USP34: variants seen among roughly 807,000 people sequenced by gnomAD.
The protein encoded by USP34 is ubiquitin specific peptidase 34, also known as ubiquitin carboxyl-terminal hydrolase 34.
Under a neutral mutation model 460.3 loss-of-function variants are expected in USP34, and 70 were observed. The ratio of observed to expected loss-of-function variants is 0.15; its 90% CI spans 0.13 to 0.19. The LOEUF is 0.19. USP34 is among the 10% of genes least tolerant of loss of function. The pLI is 1.00. For synonymous variants in USP34, 1,647 were observed against 1,405.3 expected, an observed-to-expected ratio of 1.17 and a Z score of -3.85; for missense variants, 3,985 against 4,236.2, an observed-to-expected ratio of 0.94 and a Z score of 1.65.
intron 20 of USP34, among the ~76,000 whole-genome samples, chr2:61,326,674 A>G (rs1328659733): frequency 6.6e-6 from 1 of 151,896 alleles, no homozygotes; most frequent in Non-Finnish European, 1.5e-5. Flanking sequence ...TTTACAGATC[A>G]AAAGGCAGAC....
At chr2:61,254,209 T>C (rs1401457010) in intron 48 of USP34, among the ~76,000 whole-genome samples, 2 of 152,264 alleles carry the variant, frequency 1.3e-5, no homozygotes, top group African/African-American at 4.8e-5. Context: ...AATTGATTAT[T>C]TTCTTCTTGA....
Position 61,281,124 on chromosome 2 carries a change from A to T in USP34, c.5117T>A (p.Phe1706Tyr). Residue 1706 changes from phenylalanine (F) to tyrosine (Y), a missense_variant, in exon 38 of 80, where the codon TTT becomes TAT. Phe to Tyr is a conservative substitution (Grantham distance 22). Transcript: ENST00000398571. The part of the protein sequence containing the change: ...LLLAASTLLK[F>Y]LPDAQALKPI... ...TTTGAGTGCTTGAGCATCAGGAAGA[A>T]ATTTCAATAATGTTGAGGCAGCCAA... 6.2e-7 allele frequency: 1 copy of T among 1,613,866 alleles called. No individual in the cohort carries two copies. Among genetic ancestry groups the T allele is most frequent in the Non-Finnish European group, 8.5e-7 (1 of 1,179,882 alleles).
chr2:61,413,911 T>C (rs528987188), intron 2 of USP34, among the ~76,000 whole-genome samples: 10 of 146,422 alleles, frequency 6.8e-5, no homozygotes, highest in East Asian at 2.0e-4. Flanking sequence ...ATCCTGGCGA[T>C]ACAGTGAGAC....
chr2:61,188,448 G>A lies in USP34; in HGVS notation c.10295C>T (p.Ser3432Leu). ...GTTGGACTGTTCTTCTGCATGCTGTGACCTGATATTTGACATGTCTTCTGA... is the reference window on the plus strand; with the variant it reads ...GTTGGACTGTTCTTCTGCATGCTGTAACCTGATATTTGACATGTCTTCTGA... ...SFSEDMSNIRSQHAEEQSNNG... is the reference protein window; with the variant it reads ...SFSEDMSNIRLQHAEEQSNNG... Residue 3432 changes from serine to leucine, a missense_variant, in exon 80 of 80, where the codon TCA becomes TTA. Physicochemically the swap from Ser to Leu is moderately radical, Grantham distance 145. Around this residue, in one of 14 missense-constraint regions of USP34, gnomAD observed 506 missense variants for 439.0 expected, o/e 1.15. Transcript: ENST00000398571. The A allele has an allele frequency of 1.2e-6, 2 of 1,614,172 alleles. No individual in the cohort carries two copies. The highest frequency in any genetic ancestry group is 1.7e-6 in the Non-Finnish European group (2 of 1,180,036).
intron 18 of USP34, among the ~76,000 whole-genome samples, chr2:61,337,325 T>C (rs535315155): frequency 3.3e-5 from 5 of 152,364 alleles, no homozygotes; most frequent in Admixed American, 6.5e-5. Context: ...AGTTGTTCCA[T>C]GTAGTTGTTC....
Position 61,339,393 on chromosome 2 carries a change from A to T in USP34, c.2702T>A (p.Met901Lys). The change falls in exon 18 of 80, where the codon ATG becomes AAG. Residue 901 changes from methionine (M) to lysine (K), a missense_variant. Met to Lys is a moderately conservative substitution (Grantham distance 95). Transcript: ENST00000398571. ...TTCAAGGCAACCTTCAATGAATCTC[A>T]TTCGAATTTGTCTATCTGTAAACCA... ...VCWFTDRQIR[M>K]RFIEGCLENL... The T allele has an allele frequency of 6.2e-7, 1 of 1,609,330 alleles. No homozygotes were observed. Among genetic ancestry groups the T allele is most frequent in the Non-Finnish European group, 8.5e-7 (1 of 1,178,054 alleles).
intron 1 of USP34, among the ~76,000 whole-genome samples, chr2:61,448,466 A>G (rs1358836851): frequency 6.6e-6 from 1 of 152,210 alleles, no homozygotes; most frequent in Non-Finnish European, 1.5e-5. Context: ...GGACGGGGAA[A>G]AAAAATGCAA....
chr2:61,282,404 A>G (rs1208307366), intron 37 of USP34, among the ~76,000 whole-genome samples: 3 of 152,218 alleles, frequency 2.0e-5, no homozygotes, highest in Admixed American at 6.5e-5. Flanking sequence ...TACAGCTAAT[A>G]AAAATTATAT....
chr2:61,329,758 C>T (rs1691205470), intron 20 of USP34, among the ~76,000 whole-genome samples: 1 of 152,052 alleles, frequency 6.6e-6, no homozygotes, highest in African/African-American at 2.4e-5. Flanking sequence ...AACCTATGTG[C>T]CAGGTACAAT....
At chr2:61,459,878 G>C (rs1022615281) in intron 1 of USP34, among the ~76,000 whole-genome samples, 2 of 151,894 alleles carry the variant, frequency 1.3e-5, no homozygotes, top group Non-Finnish European at 2.9e-5. Flanking sequence ...TGATTAACAC[G>C]GTAAAACCCC....
chr2:61,227,762 C>T (rs747246977), intron 61 of USP34, among the ~76,000 whole-genome samples: 1 of 151,736 alleles, frequency 6.6e-6, no homozygotes, highest in African/African-American at 2.4e-5. Flanking sequence ...AACCTCAACA[C>T]TGACTACTTA....
intron 2 of USP34, among the ~76,000 whole-genome samples, chr2:61,412,845 C>T (rs1282547712): frequency 2.7e-5 from 4 of 146,228 alleles, no homozygotes; most frequent in East Asian, 4.0e-4. Context: ...GCCATCATAA[C>T]GCCACTGCAC....
chr2:61,298,537 C>CAAAAAAAAAAAAAAAAAAAAAAA (rs57087400), intron 29 of USP34, among the ~76,000 whole-genome samples: 4 of 28,288 alleles, frequency 1.4e-4, no homozygotes, highest in African/African-American at 1.7e-4. Context: ...GACTCTGTCT[C>CAAAAAAAAAAAAAAAAAAAAAAA]AAAAAAAAAA....
At chr2:61,387,554 ATATT>A (rs1284750361) in intron 5 of USP34, among the ~76,000 whole-genome samples, 2 of 147,076 alleles carry the variant, frequency 1.4e-5, no homozygotes, top group African/African-American at 2.5e-5. Context: ...TAAAATATAT[ATATT>A]TATATATACA....
chr2:61,237,527 A>G (rs1382468484), intron 53 of USP34, among the ~76,000 whole-genome samples: 2 of 96,900 alleles, frequency 2.1e-5, no homozygotes, highest in Non-Finnish European at 4.4e-5. Context: ...TACTGTATCT[A>G]TGTATGTGTA....
At chr2:61,276,868 T>A (rs971575258) in intron 41 of USP34, among the ~76,000 whole-genome samples, 4 of 152,218 alleles carry the variant, frequency 2.6e-5, no homozygotes, top group African/African-American at 9.6e-5. Context: ...AATCCTTTAG[T>A]CTATGCCTAT....
Position 61,294,953 on chromosome 2 carries a change from C to T in USP34, c.4457G>A (p.Cys1486Tyr), listed in dbSNP as rs2103623477. 11 of 1,610,574 alleles carry T rather than the reference C, an allele frequency of 6.8e-6. No individual in the cohort carries two copies. In the Middle Eastern group the frequency reaches 1.3e-3, roughly 194 times the overall value. ...QVENSKNSWSCKFVAAGGLQQ... is the reference protein window; with the variant it reads ...QVENSKNSWSYKFVAAGGLQQ... ...GAAAAACACATATGATCAAACCTTG[C>T]AACTCCAGGAATTTTTACTATTTTC... The change falls in exon 32 of 80, where the codon TGC becomes TAC. Residue 1486 changes from cysteine (C) to tyrosine (Y), a missense_variant. By Grantham distance (194) the Cys-to-Tyr change is radical. Transcript: ENST00000398571.
chr2:61,333,853 A>T, intron 19 of USP34, 29 bp downstream of exon 19: 1 of 1,414,756 alleles, frequency 7.1e-7, no homozygotes, highest in African/African-American at 1.5e-5. Flanking sequence ...AATCTTTAAA[A>T]TAAATACTTT....
intron 27 of USP34, among the ~76,000 whole-genome samples, chr2:61,310,869 A>G (rs1409356888): frequency 6.6e-6 from 1 of 152,204 alleles, no homozygotes; most frequent in Admixed American, 6.5e-5. Context: ...GTTATCAAAA[A>G]TTCCCAAATT....
Sources: gnomAD v4.1 joint callset for allele counts (sites outside exome capture counted in the v4.1 genomes callset) on GRCh38, gnomAD v4.1.1 for gene constraint, gnomAD v4.1.1 regional missense constraint, MANE v1.5 for transcripts, NCBI Gene and HGNC (gene_info 2026-07-23, HGNC 2026-07-21) for gene names.